AHRR: variants seen among roughly 807,000 people sequenced by gnomAD.
The protein encoded by AHRR is ahR repressor.
In AHRR, 28 loss-of-function variants were observed where a neutral mutation model predicts 44.0. The ratio of observed to expected loss-of-function variants is 0.64; its 90% CI spans 0.47 to 0.87. The LOEUF (loss-of-function observed/expected upper bound fraction) is 0.87, where lower values mean the gene tolerates loss of function less well. Among genes scored for constraint, AHRR ranks in the 40% least tolerant of loss-of-function variants. AHRR has a pLI of 0.00. For missense variants in AHRR, 990 were observed against 953.9 expected (o/e 1.04, Z -0.50); for synonymous variants, 434 against 407.0 (o/e 1.07, Z -0.80).
At chr5:402,199 C>T (rs372220395) in intron 4 of AHRR, among the ~76,000 whole-genome samples, 10 of 152,350 alleles carry the variant, frequency 6.6e-5, no homozygotes, top group Admixed American at 1.3e-4. Flanking sequence ...GAAAGGTGCT[C>T]GGCATCGCCA....
intron 10 of AHRR, 27 bp from the exon 11 acceptor site, chr5:433,826 C>G: frequency 8.1e-6 from 12 of 1,477,178 alleles, no homozygotes; most frequent in Non-Finnish European, 1.1e-5. Flanking sequence ...CAGCTGCTGT[C>G]AAATGGGCCC....
chr5:424,534 A>T (rs1334712142), intron 7 of AHRR, among the ~76,000 whole-genome samples: 1 of 151,610 alleles, frequency 6.6e-6, no homozygotes, highest in African/African-American at 2.4e-5. Context: ...GCCTCTGGGC[A>T]TGCGTGATGA....
In AHRR at chr5:326,408, C is replaced by T. The variant is rs1741715118; in HGVS notation, c.-11+4589C>T. ...TTTAGGGTCCATCCATGTGGCAGCA[C>T]GTGCCAGGGCTTCCTTCCTTTTCAT... On this transcript the variant is annotated intron_variant, in intron 1 of 10. Coordinates refer to ENST00000684583, the MANE Select transcript of AHRR (RefSeq NM_001377236.1). This position sits in a 1 kb window ranked among gnomAD's most constrained non-coding sequence, Gnocchi z 4.1. 2.0e-5 allele frequency among the ~76,000 whole-genome samples: 3 copies of T among 152,228 alleles called. No individual in the cohort carries two copies. Among genetic ancestry groups the T allele is most frequent in the South Asian group, 4.1e-4 (2 of 4,832 alleles).
intron 3 of AHRR, among the ~76,000 whole-genome samples, chr5:356,238 T>C (rs1318206042): frequency 6.6e-6 from 1 of 152,214 alleles, no homozygotes; most frequent in Non-Finnish European, 1.5e-5. Context: ...AGTCTGCTGC[T>C]GCCTTGAGAG....
chr5:379,568 T>C (rs1733893862), intron 4 of AHRR, among the ~76,000 whole-genome samples: 1 of 152,232 alleles, frequency 6.6e-6, no homozygotes, highest in African/African-American at 2.4e-5. Context: ...AGGGTTTTAG[T>C]TTGGATTTCC....
intron 7 of AHRR, among the ~76,000 whole-genome samples, chr5:425,030 G>A (rs1160269713): frequency 2.0e-5 from 3 of 152,200 alleles, no homozygotes; most frequent in Non-Finnish European, 4.4e-5. Flanking sequence ...AATGCCACAA[G>A]GCCCTCAGAC....
At chr5:393,783 G>A (rs780338246) in intron 4 of AHRR, among the ~76,000 whole-genome samples, 3 of 152,104 alleles carry the variant, frequency 2.0e-5, no homozygotes, top group African/African-American at 2.4e-5. Context: ...GATTATAGGC[G>A]TATGCCACAA....
At chr5:393,371 A>G (rs2126478178) in intron 4 of AHRR, among the ~76,000 whole-genome samples, 1 of 152,192 alleles carries the variant, frequency 6.6e-6, no homozygotes, top group East Asian at 1.9e-4. Flanking sequence ...TCACTAACCG[A>G]TCCTTCCTCC....
intron 5 of AHRR, among the ~76,000 whole-genome samples, chr5:416,177 A>G (rs1259342036): frequency 6.6e-6 from 1 of 152,146 alleles, no homozygotes; most frequent in Non-Finnish European, 1.5e-5. Context: ...GTGCAGGGAG[A>G]GGGAACACCG....
chr5:407,077 A>G lies in AHRR; in HGVS notation c.352-6267A>G, dbSNP rs539553252. 4.6e-5 allele frequency among the ~76,000 whole-genome samples: 7 copies of G among 152,332 alleles called. No homozygotes were observed. In the East Asian group the frequency reaches 7.7e-4, roughly 17 times the overall value. On this transcript the variant is annotated intron_variant, in intron 4 of 10. Transcript: ENST00000684583. ...TTCATGCGCCATGATTTAATTATAGAGGCCTGACAGTATTTCTTAGATGTT... is the reference window on the plus strand; with the variant it reads ...TTCATGCGCCATGATTTAATTATAGGGGCCTGACAGTATTTCTTAGATGTT...
chr5:424,177 G>A (rs542530896), intron 7 of AHRR, among the ~76,000 whole-genome samples, 200 bp downstream of exon 7: 1 of 147,994 alleles, frequency 6.8e-6, no homozygotes, highest in Admixed American at 6.9e-5. Context: ...GGGTGGGAGA[G>A]GGCTGGGCAC....
intron 9 of AHRR, 38 bp from the exon 10 acceptor site, chr5:432,768 G>T (rs777392856): frequency 8.1e-6 from 13 of 1,613,030 alleles, no homozygotes; most frequent in Admixed American, 5.0e-5. Context: ...TCCTCAGCTC[G>T]CACCGTGACG....
chr5:420,472 G>A (rs1431161887), intron 5 of AHRR, among the ~76,000 whole-genome samples: 1 of 152,242 alleles, frequency 6.6e-6, no homozygotes, highest in African/African-American at 2.4e-5. Context: ...TTGAACGGAG[G>A]TGGGGCCTGC....
rs983549324 is a variant in AHRR, at chr5:424,064, G to T, written c.708+87G>T. On this transcript the variant is annotated intron_variant, in intron 7 of 10. Coordinates refer to ENST00000684583, the MANE Select transcript of AHRR (RefSeq NM_001377236.1). ...GGAAGGAAACAGAGGGCAAGAGGGG[G>T]TGGGGGCGTTAAACCACATGTCCCT... 11 of 1,524,854 alleles carry T rather than the reference G, an allele frequency of 7.2e-6. No homozygotes were observed. In the Admixed American group the frequency reaches 7.6e-5, roughly 11 times the overall value. 94.5% of individuals were successfully genotyped at this position (1,524,854 alleles called of 1,614,324 possible).
chr5:371,554 C>T (rs1743580984), intron 3 of AHRR, among the ~76,000 whole-genome samples: 2 of 152,164 alleles, frequency 1.3e-5, no homozygotes, highest in Admixed American at 1.3e-4. Flanking sequence ...GCCTCATGCA[C>T]GGGTAAGCCC....
chr5:376,586 A>T, intron 3 of AHRR, 24 bp from the exon 4 acceptor site: 1 of 512,024 alleles, frequency 2.0e-6, no homozygotes, highest in Non-Finnish European at 2.5e-6. Flanking sequence ...GGGGGTGCCT[A>T]ATGTGTCTTT....
chr5:343,120 G>T (rs1427480273), intron 1 of AHRR, among the ~76,000 whole-genome samples: 1 of 152,194 alleles, frequency 6.6e-6, no homozygotes, highest in African/African-American at 2.4e-5. Context: ...AGATTATGCT[G>T]TTGCCCTGCA....
Position 329,921 on chromosome 5 carries a change from T to C in AHRR, c.-11+8102T>C, listed in dbSNP as rs1233966961. The stretch of plus-strand genomic sequence containing the variant: ...AATCATATTGGCAGATAGGAATAAT[T>C]TGACTTCCTCTTTTCCAGTCTGAAT... On this transcript the variant is annotated intron_variant, in intron 1 of 10. Transcript: ENST00000684583. Among the ~76,000 whole-genome samples the C allele has an allele frequency of 5.3e-5, 8 of 152,220 alleles. No individual in the cohort carries two copies. The East Asian group carries it at 1.5e-3, about 29-fold the overall frequency.
At chr5:348,730 G>A (rs960540824) in intron 2 of AHRR, among the ~76,000 whole-genome samples, 2 of 152,218 alleles carry the variant, frequency 1.3e-5, no homozygotes, top group African/African-American at 4.8e-5. Flanking sequence ...GATAGACCAA[G>A]TCTGTTTATT....
Sources: gnomAD v4.1 joint callset for allele counts (sites outside exome capture counted in the v4.1 genomes callset) on GRCh38, gnomAD v4.1.1 for gene constraint, Gnocchi (gnomAD v3.1) non-coding constraint, MANE v1.5 for transcripts, NCBI Gene and HGNC (gene_info 2026-07-23, HGNC 2026-07-21) for gene names.